ARFGEF1: variants seen among roughly 807,000 people sequenced by gnomAD.
The protein encoded by ARFGEF1 is ARF guanine nucleotide exchange factor 1, also known as brefeldin A-inhibited guanine nucleotide-exchange protein 1.
In ARFGEF1, 42 loss-of-function variants were observed where a neutral mutation model predicts 231.0. The observed-to-expected ratio is 0.18, with a 90% confidence interval of 0.14 to 0.24. The LOEUF is 0.24. ARFGEF1 is among the 10% of genes least tolerant of loss of function. ARFGEF1 has a pLI of 1.00. For synonymous variants in ARFGEF1, 710 were observed against 732.3 expected, an observed-to-expected ratio of 0.97 and a Z score of 0.49; for missense variants, 1,345 against 2,192.0, an observed-to-expected ratio of 0.61 and a Z score of 7.72.
intron 34 of ARFGEF1, among the ~76,000 whole-genome samples, chr8:67,209,525 A>C (rs1838647256): frequency 1.3e-5 from 2 of 152,168 alleles, no homozygotes; most frequent in Admixed American, 1.3e-4. Context: ...CTGTGAATGT[A>C]CTAAATGCCA....
At chr8:67,184,148 C>T (rs530709580) in intron 5 of ARFGEF1, among the ~76,000 whole-genome samples, 50 of 152,182 alleles carry the variant, frequency 3.3e-4, no homozygotes, top group African/African-American at 8.2e-4. Flanking sequence ...CCACTGCGCC[C>T]GGCCAAAAAT....
chr8:67,227,062 T>G, intron 27 of ARFGEF1, 75 bp downstream of exon 27: 1 of 1,354,822 alleles, frequency 7.4e-7, no homozygotes, highest in South Asian at 1.5e-5. Flanking sequence ...TATTGTTACT[T>G]GAATCATCTT....
rs1807135151 is a variant in ARFGEF1, at chr8:67,312,814, C to T, written c.125-10348G>A. Among the ~76,000 whole-genome samples, 3 of 152,158 alleles carry T rather than the reference C, an allele frequency of 2.0e-5. No individual in the cohort carries two copies. In the South Asian group the frequency reaches 6.2e-4, roughly 32 times the overall value. Reference sequence around the variant, plus strand: ...CCTAAATGGAGCTAAGGTTTTTCTACAGGTTACTCAAACTGGTAAAATGCT... The same window carrying T: ...CCTAAATGGAGCTAAGGTTTTTCTATAGGTTACTCAAACTGGTAAAATGCT... On this transcript the variant is annotated intron_variant, in intron 1 of 38. Coordinates refer to ENST00000262215, the MANE Select transcript of ARFGEF1 (RefSeq NM_006421.5).
At chr8:67,213,010 T>G (rs541979259) in intron 33 of ARFGEF1, among the ~76,000 whole-genome samples, 1 of 152,322 alleles carries the variant, frequency 6.6e-6, no homozygotes, top group South Asian at 2.1e-4. Context: ...TCAATTTTTC[T>G]CACTAACCAA....
At chr8:67,222,225 GTATATGTATGTATGTATGTA>G (rs1705685123) in intron 29 of ARFGEF1, among the ~76,000 whole-genome samples, 1 of 64,076 alleles carries the variant, frequency 1.6e-5, no homozygotes, top group African/African-American at 5.2e-5. Context: ...ATATATATAT[GTATATGTATGTATGTATGTA>G]TGTATGTATG....
intron 14 of ARFGEF1, among the ~76,000 whole-genome samples, chr8:67,260,476 G>A (rs1804570446): frequency 6.6e-6 from 1 of 152,056 alleles, no homozygotes; most frequent in African/African-American, 2.4e-5. Context: ...CTGATACTGT[G>A]ACCTGTGATC....
chr8:67,229,449 T>C (rs938758934), intron 23 of ARFGEF1, among the ~76,000 whole-genome samples: 3 of 151,990 alleles, frequency 2.0e-5, no homozygotes, highest in Admixed American at 6.6e-5. Context: ...TAAAAAACAA[T>C]ATAGGAAAAA....
chr8:67,199,937 G>A (rs1288366724), intron 38 of ARFGEF1: 1 of 244,262 alleles, frequency 4.1e-6, no homozygotes, highest in Non-Finnish European at 8.3e-6. Flanking sequence ...TCTTAGATGA[G>A]GCCCATTCAC....
chr8:67,278,701 C>T (rs576005059), intron 7 of ARFGEF1, among the ~76,000 whole-genome samples: 1 of 151,996 alleles, frequency 6.6e-6, no homozygotes, highest in Non-Finnish European at 1.5e-5. Flanking sequence ...CAAAAATAAG[C>T]TGGGCACGGT....
At chr8:67,236,063 G>A (rs1444970589) in intron 22 of ARFGEF1, among the ~76,000 whole-genome samples, 1 of 151,748 alleles carries the variant, frequency 6.6e-6, no homozygotes, top group Non-Finnish European at 1.5e-5. Flanking sequence ...GGGACGCCAA[G>A]GCGGGCAGAT....
Position 67,190,704 on chromosome 8 carries a change from C to T in ARFGEF1, c.560+9692G>A, listed in dbSNP as rs768603321. Reference sequence around the variant, plus strand: ...GAAGATGACGTCCTCCCTCCACCATCACAGTTGCCCTCTGCACGGGAGCGC... The same window carrying T: ...GAAGATGACGTCCTCCCTCCACCATTACAGTTGCCCTCTGCACGGGAGCGC... On this transcript the variant is annotated intron_variant, in intron 5 of 5. Coordinates refer to the ARFGEF1 transcript ENST00000518789. 3.5e-5 allele frequency: 57 copies of T among 1,614,026 alleles called. 1 individual carries two copies. In the Middle Eastern group the frequency reaches 3.3e-3, roughly 93 times the overall value.
At position 67,218,191 on chromosome 8, in the gene ARFGEF1, T is replaced by TAAA. The variant is rs10719102; in HGVS notation, c.4339-56_4339-54dup. ...CACGCCATTAATCAACTACTATGATTAAAAAAAAAAAAAAAAATATATATA... is the reference window on the plus strand; with the variant it reads ...CACGCCATTAATCAACTACTATGATTAAAAAAAAAAAAAAAAAAAATATATATA... On this transcript the variant is annotated intron_variant, in intron 30 of 38. Coordinates refer to ENST00000262215, the MANE Select transcript of ARFGEF1 (RefSeq NM_006421.5). The TAAA allele has an allele frequency of 5.7e-3, 869 of 153,552 alleles. 14 individuals are homozygous for TAAA. The highest frequency in any genetic ancestry group is 0.013 in the African/African-American group (234 of 17,646). 9.5% of individuals were successfully genotyped at this position (153,552 alleles called of 1,614,324 possible).
Position 67,296,443 on chromosome 8 carries a change from C to T in ARFGEF1, c.627G>A (p.Met209Ile). The T allele has an allele frequency of 6.2e-7, 1 of 1,613,672 alleles. No homozygotes were observed. The highest frequency in any genetic ancestry group is 8.5e-7 in the Non-Finnish European group (1 of 1,179,838). ...TTAAAATACTTACTGCTTGGTTTTCCATGCGTGCAAAGATAACATTTAGCA... is the reference window on the plus strand; with the variant it reads ...TTAAAATACTTACTGCTTGGTTTTCTATGCGTGCAAAGATAACATTTAGCA... Reference protein sequence around the residue: ...TQMLNVIFARMENQALQEAKQ... With the variant: ...TQMLNVIFARIENQALQEAKQ... The change falls in exon 5 of 39, where the codon ATG (methionine) becomes ATA (isoleucine). Residue 209 changes from methionine (M) to isoleucine (I), a missense_variant. Coordinates refer to ENST00000262215, the MANE Select transcript of ARFGEF1 (RefSeq NM_006421.5).
intron 1 of ARFGEF1, among the ~76,000 whole-genome samples, chr8:67,330,985 G>T (rs917818769): frequency 6.6e-6 from 1 of 151,996 alleles, no homozygotes; most frequent in Non-Finnish European, 1.5e-5. Flanking sequence ...TAAGTAACAT[G>T]TTAATAAGAT....
At chr8:67,229,471 C>T (rs908269502) in intron 23 of ARFGEF1, among the ~76,000 whole-genome samples, 4 of 151,920 alleles carry the variant, frequency 2.6e-5, no homozygotes, top group Admixed American at 6.6e-5. Flanking sequence ...AGTTTAGAAA[C>T]GGGTAACATG....
In ARFGEF1 at chr8:67,291,733, G is replaced by T. The variant is rs542824073; in HGVS notation, c.916+114C>A. ...GAGGAAAGTCCACAATTACCACAAT[G>T]TGTCTGACACACTTATTAAATCATA... On this transcript the variant is annotated intron_variant, in intron 6 of 38. Transcript: ENST00000262215. 19 of 1,358,794 alleles carry T rather than the reference G, an allele frequency of 1.4e-5. No individual in the cohort carries two copies. In the African/African-American group the frequency reaches 2.6e-4, roughly 19 times the overall value. 84.2% of individuals were successfully genotyped at this position (1,358,794 alleles called of 1,614,324 possible).
chr8:67,238,282 A>G (rs1040241678), intron 22 of ARFGEF1, 61 bp downstream of exon 22: 8 of 1,462,240 alleles, frequency 5.5e-6, no homozygotes, highest in South Asian at 1.4e-5. Context: ...CATTACTACA[A>G]TAAAGTGACT....
chr8:67,301,618 G>A (rs1806494014), intron 2 of ARFGEF1, among the ~76,000 whole-genome samples: 1 of 152,010 alleles, frequency 6.6e-6, no homozygotes, highest in African/African-American at 2.4e-5. Context: ...CTGCAAAACT[G>A]GTCTACAAAA....
intron 5 of ARFGEF1, among the ~76,000 whole-genome samples, chr8:67,190,916 AGCTAT>A (rs1836045232): frequency 1.3e-5 from 2 of 152,260 alleles, no homozygotes; most frequent in African/African-American, 4.8e-5. Context: ...GACCTTGGGT[AGCTAT>A]TGAATTCTGC....
Sources: gnomAD v4.1 joint callset for allele counts (sites outside exome capture counted in the v4.1 genomes callset) on GRCh38, gnomAD v4.1.1 for gene constraint, MANE v1.5 for transcripts, NCBI Gene and HGNC (gene_info 2026-07-23, HGNC 2026-07-21) for gene names.